The following RPSA variants were observed in gnomAD, a reference collection of about 807,000 sequenced individuals.
RPSA encodes the protein small ribosomal subunit protein uS2.
For missense variants in RPSA, 140 were observed against 372.8 expected, an observed-to-expected ratio of 0.38 and a Z score of 5.14; for synonymous variants, 103 against 126.7, an observed-to-expected ratio of 0.81 and a Z score of 1.25.
rs201617825 is a variant in RPSA, at chr3:39,411,876, C to CT, written c.628-10dup. ...TTGTCAGTCCCTGTAAGTCTTTCCT[C>CT]TTTTTTTTTTGTAACCCAGATTGAA... is the stretch of plus-strand genomic sequence containing the variant. On this transcript the variant is annotated intron_variant, in intron 5 of 6. Transcript: ENST00000301821. 3.7e-3 allele frequency: 4,593 copies of CT among 1,234,158 alleles called. 3 individuals carry two copies. Among genetic ancestry groups the CT allele is most frequent in the African/African-American group, 0.014 (904 of 65,966 alleles). 76.5% of individuals were successfully genotyped at this position (1,234,158 alleles called of 1,614,324 possible). A position where few individuals can be genotyped will look rare whatever the true frequency, so the allele number is the denominator to read the frequency against.
chr3:39,408,479 C>G, intron 2 of RPSA, 127 bp from the exon 3 acceptor site: 1 of 781,784 alleles, frequency 1.3e-6, no homozygotes, highest in Non-Finnish European at 2.4e-6. Context: ...GCAGGATTTT[C>G]GCTAACACCA....
intron 1 of RPSA, chr3:39,407,046 A>G (rs919611706): frequency 1.5e-5 from 7 of 454,792 alleles, no homozygotes; most frequent in East Asian, 7.0e-5. Flanking sequence ...GCGGGCTAAC[A>G]TCCTGTGTTG....
intron 2 of RPSA, chr3:39,408,008 G>T: frequency 1.9e-6 from 1 of 514,302 alleles, no homozygotes; most frequent in Non-Finnish European, 3.5e-6. Context: ...GACTTGGGTT[G>T]GGTCATGAAC....
intron 2 of RPSA, chr3:39,408,223 C>T: frequency 2.5e-6 from 1 of 397,196 alleles, no homozygotes; most frequent in Non-Finnish European, 4.8e-6. Flanking sequence ...CTACCAAGGA[C>T]TTGGGAGTGA....
In RPSA at chr3:39,411,893, C is replaced by G. The variant is rs755496346; in HGVS notation, c.628-3C>G. On this transcript the variant is annotated splice_region_variant and splice_polypyrimidine_tract_variant and intron_variant, in intron 5 of 6. Transcript: ENST00000301821. Reference sequence around the variant, plus strand: ...TCTTTCCTCTTTTTTTTTTGTAACCCAGATTGAAAAAGAAGAGCAGGCTGC... The same window carrying G: ...TCTTTCCTCTTTTTTTTTTGTAACCGAGATTGAAAAAGAAGAGCAGGCTGC... The G allele has an allele frequency of 5.3e-5, 84 of 1,598,788 alleles. 1 individual carries two copies. Among genetic ancestry groups the G allele is most frequent in the Non-Finnish European group, 6.8e-5 (80 of 1,179,766 alleles).
At chr3:39,407,101 G>T in intron 1 of RPSA, 1 of 426,960 alleles carries the variant, frequency 2.3e-6, no homozygotes, top group Non-Finnish European at 4.6e-6. Flanking sequence ...AGGCCCAGGC[G>T]CTGATTTACA....
At chr3:39,409,316 C>A (rs534213841) in intron 3 of RPSA, among the ~76,000 whole-genome samples, 6 of 150,904 alleles carry the variant, frequency 4.0e-5, no homozygotes, top group Admixed American at 2.7e-4. Context: ...ATTCTCCTGC[C>A]TCATCCTCCC....
chr3:39,410,982 A>G lies in RPSA; in HGVS notation c.481A>G (p.Ile161Val). 6.3e-7 allele frequency: 1 copy of G among 1,599,728 alleles called. No individual in the cohort carries two copies. Among genetic ancestry groups the G allele is most frequent in the Non-Finnish European group, 8.5e-7 (1 of 1,179,922 alleles). ...DSPLRYVDIA[I>V]PCNNKGAHSV... The stretch of plus-strand genomic sequence containing the variant: ...TCCTCTGCGCTATGTGGACATTGCC[A>G]TCCCATGCAACAACAAGGTAATGAT... Residue 161 changes from isoleucine to valine, a missense_variant, in exon 4 of 7, where the codon ATC (isoleucine) becomes GTC (valine). Coordinates refer to ENST00000301821, the MANE Select transcript of RPSA (RefSeq NM_002295.6).
chr3:39,410,789 C>T lies in RPSA; in HGVS notation c.288C>T (p.Ala96=). The T allele has an allele frequency of 6.2e-7, 1 of 1,613,222 alleles. No individual in the cohort carries two copies. Among genetic ancestry groups the T allele is most frequent in the African/African-American group, 1.3e-5 (1 of 75,036 alleles). Residue 96 remains alanine (A), a synonymous_variant, in exon 4 of 7, where the codon GCC becomes GCT. Coordinates refer to ENST00000301821, the MANE Select transcript of RPSA (RefSeq NM_002295.6). ...AVLKFAAATG[A]TPIAGRFTPG... ...TGAAGTTTGCTGCTGCCACTGGAGC[C>T]ACTCCAATTGCTGGCCGCTTCACTC...
In RPSA at chr3:39,406,753, G is replaced by T. The variant is rs559394405; in HGVS notation, c.-45G>T. On this transcript the variant is annotated 5_prime_UTR_variant, in exon 1 of 7. Transcript: ENST00000301821. Reference sequence around the variant, plus strand: ...TGCTACCTGCAGAGGGGTCCATACGGCGTTGTTCTGGGTGAGTTCCGTGTA... The same window carrying T: ...TGCTACCTGCAGAGGGGTCCATACGTCGTTGTTCTGGGTGAGTTCCGTGTA... 2.4e-5 allele frequency: 10 copies of T among 420,800 alleles called. No homozygotes were observed. The East Asian group carries it at 3.7e-4, about 16-fold the overall frequency. The allele number at this position is 420,800 out of a possible 1,614,324, so 26.1% of individuals were successfully genotyped here.
intron 6 of RPSA, 55 bp downstream of exon 6, chr3:39,412,116 A>C: frequency 6.5e-7 from 1 of 1,542,848 alleles, no homozygotes. Context: ...TCTCAGTTTT[A>C]TTCTAACTTT....
intron 2 of RPSA, chr3:39,408,287 G>C (rs1261325618): frequency 4.0e-6 from 2 of 502,492 alleles, no homozygotes; most frequent in Admixed American, 2.5e-5. Context: ...ATTATAAAAG[G>C]GAAAGAGTGG....
Position 39,410,945 on chromosome 3 carries a change from T to C in RPSA, c.444T>C (p.Cys148=), listed in dbSNP as rs1311544476. 3.1e-6 allele frequency: 5 copies of C among 1,597,806 alleles called. No homozygotes were observed. The South Asian group carries it at 5.5e-5, about 18-fold the overall frequency. Reference sequence around the variant, plus strand: ...TTAACCTACCTACCATTGCGCTGTGTAACACAGATTCTCCTCTGCGCTATG... The same window carrying C: ...TTAACCTACCTACCATTGCGCTGTGCAACACAGATTCTCCTCTGCGCTATG... The part of the protein sequence containing the change: ...SYVNLPTIAL[C]NTDSPLRYVD... Residue 148 remains cysteine (C), a synonymous_variant, in exon 4 of 7, where the codon TGT becomes TGC. Transcript: ENST00000301821.
chr3:39,407,483 T>C (rs2041936225), intron 1 of RPSA, 138 bp from the exon 2 acceptor site: 1 of 733,826 alleles, frequency 1.4e-6, no homozygotes. Context: ...CATGTATGGG[T>C]TAACTTTCTG....
chr3:39,410,724 G>C, intron 3 of RPSA, 30 bp from the exon 4 acceptor site: 1 of 1,613,736 alleles, frequency 6.2e-7, no homozygotes, highest in Non-Finnish European at 8.5e-7. Flanking sequence ...GTGGAATATC[G>C]AGTACCACTA....
intron 1 of RPSA, 29 bp from the exon 2 acceptor site, chr3:39,407,592 A>G (rs1411335219): frequency 1.3e-6 from 2 of 1,551,582 alleles, no homozygotes; most frequent in African/African-American, 1.4e-5. Context: ...CAATGGAATG[A>G]AAAGAAATAG....
chr3:39,410,708 G>C (rs753189240), intron 3 of RPSA, 46 bp from the exon 4 acceptor site: 2 of 1,613,388 alleles, frequency 1.2e-6, no homozygotes. Context: ...TGCCAGGATT[G>C]TTGCTGTGGA....
At chr3:39,409,709 C>T (rs1419245220) in intron 3 of RPSA, among the ~76,000 whole-genome samples, 1 of 152,160 alleles carries the variant, frequency 6.6e-6, no homozygotes, top group East Asian at 1.9e-4. Flanking sequence ...ACGGCATGCA[C>T]CCATAGTTCC....
chr3:39,407,993 TACGG>T (rs2041944271), intron 2 of RPSA: 4 of 538,898 alleles, frequency 7.4e-6, no homozygotes, highest in Non-Finnish European at 1.3e-5. Flanking sequence ...TTGTCTGAGT[TACGG>T]GACTTGGGTT....
Sources: gnomAD v4.1 joint callset for allele counts (sites outside exome capture counted in the v4.1 genomes callset) on GRCh38, gnomAD v4.1.1 for gene constraint, MANE v1.5 for transcripts, NCBI Gene and HGNC (gene_info 2026-07-23, HGNC 2026-07-21) for gene names.